EFEMP1: variants seen among roughly 807,000 people sequenced by gnomAD.
EFEMP1 encodes EGF-containing fibulin-like extracellular matrix protein 1.
A neutral mutation model predicts 65.7 loss-of-function variants in EFEMP1; 18 were observed. That is an observed-to-expected ratio of 0.27 (90% CI 0.19 to 0.41). The LOEUF is 0.41. Ranked by LOEUF, EFEMP1 falls within the 10% of genes least tolerant of loss-of-function variation. The pLI is 1.00. For missense variants in EFEMP1, 469 were observed against 624.8 expected (o/e 0.75, Z 2.66); for synonymous variants, 237 against 219.7 (o/e 1.08, Z -0.70).
At chr2:55,910,748 T>G (rs1670452011) in intron 5 of EFEMP1, among the ~76,000 whole-genome samples, 1 of 152,236 alleles carries the variant, frequency 6.6e-6, no homozygotes, top group South Asian at 2.1e-4. Context: ...TTATAAAGTT[T>G]AAATTGAAAG....
intron 5 of EFEMP1, among the ~76,000 whole-genome samples, chr2:55,902,573 C>A (rs972887212): frequency 2.0e-5 from 3 of 152,186 alleles, no homozygotes; most frequent in Non-Finnish European, 2.9e-5. Context: ...AACCACAATA[C>A]CGTAATTACC....
chr2:55,884,507 T>C (rs1238740125), intron 5 of EFEMP1, among the ~76,000 whole-genome samples: 1 of 152,210 alleles, frequency 6.6e-6, no homozygotes, highest in Non-Finnish European at 1.5e-5. Flanking sequence ...CCCAGGAGTG[T>C]TGATGACAGT....
At chr2:55,874,522 C>T (rs897627271) in intron 9 of EFEMP1, among the ~76,000 whole-genome samples, 2 of 152,118 alleles carry the variant, frequency 1.3e-5, no homozygotes, top group African/African-American at 4.8e-5. Context: ...TTCTCAGCAC[C>T]TACATTCTTA....
chr2:55,875,142 A>ATATCC, intron 8 of EFEMP1, 77 bp from the exon 9 acceptor site: 1 of 524,786 alleles, frequency 1.9e-6, no homozygotes, highest in Non-Finnish European at 2.7e-6. Context: ...ATATATATAT[A>ATATCC]AATTATATAT....
rs550832970 is a variant in EFEMP1 at position 55,923,637 on chromosome 2, C to A, written c.-49+74G>T. The A allele has an allele frequency of 3.3e-4, 327 of 985,728 alleles. No individual in the cohort carries two copies. The African/African-American group carries it at 5.4e-3, about 16-fold the overall frequency. 61.1% of individuals were successfully genotyped at this position (985,728 alleles called of 1,614,324 possible). On this transcript the variant is annotated intron_variant, in intron 1 of 11. Coordinates refer to ENST00000355426, the MANE Select transcript of EFEMP1 (RefSeq NM_001039348.3). This position sits in a 1 kb window ranked among gnomAD's most constrained non-coding sequence, Gnocchi z 5.3. The stretch of plus-strand genomic sequence containing the variant: ...GGTACTCAACACCCCTCAGCTCACC[C>A]CACCTCACTCTCCCGCGCGCGGCCC...
At chr2:55,907,307 G>T (rs1670319127) in intron 5 of EFEMP1, among the ~76,000 whole-genome samples, 1 of 152,240 alleles carries the variant, frequency 6.6e-6, no homozygotes, top group African/African-American at 2.4e-5. Context: ...GTGTGCACAT[G>T]TGTGGGCATA....
intron 5 of EFEMP1, among the ~76,000 whole-genome samples, chr2:55,907,465 T>C (rs1308667782): frequency 1.3e-5 from 2 of 152,236 alleles, no homozygotes; most frequent in Non-Finnish European, 2.9e-5. Context: ...ATTGTAAAAA[T>C]ACGATTCTGA....
At chr2:55,869,762 A>G (rs1668727963) in intron 11 of EFEMP1, among the ~76,000 whole-genome samples, 1 of 152,192 alleles carries the variant, frequency 6.6e-6, no homozygotes, top group African/African-American at 2.4e-5. Flanking sequence ...GATGAATAAC[A>G]TCATTAGCAT....
chr2:55,901,073 A>C (rs1448806541), intron 5 of EFEMP1, among the ~76,000 whole-genome samples: 2 of 152,240 alleles, frequency 1.3e-5, no homozygotes, highest in Admixed American at 6.5e-5. Context: ...TTAAACATAA[A>C]GGTGATGATT....
At chr2:55,912,647 T>G (rs1013822159) in intron 5 of EFEMP1, among the ~76,000 whole-genome samples, 4 of 152,234 alleles carry the variant, frequency 2.6e-5, no homozygotes, top group Admixed American at 2.0e-4. Context: ...TTGAACCCTA[T>G]GTACACTGTA....
intron 5 of EFEMP1, among the ~76,000 whole-genome samples, chr2:55,914,313 G>GA (rs1670593693): frequency 6.6e-6 from 1 of 152,036 alleles, no homozygotes; most frequent in Admixed American, 6.6e-5. Flanking sequence ...AAAATTACCT[G>GA]AAAAAAACCT....
chr2:55,906,836 A>G (rs1217607743), intron 5 of EFEMP1, among the ~76,000 whole-genome samples: 1 of 152,198 alleles, frequency 6.6e-6, no homozygotes, highest in African/African-American at 2.4e-5. Flanking sequence ...CAAAAATGTC[A>G]ATTTTGCCAA....
intron 5 of EFEMP1, among the ~76,000 whole-genome samples, chr2:55,904,789 G>A (rs1438495777): frequency 1.3e-5 from 2 of 152,086 alleles, no homozygotes; most frequent in Non-Finnish European, 2.9e-5. Context: ...GTAGACAGCA[G>A]ATGATGAGAC....
At chr2:55,895,392 T>C (rs1371100455) in intron 5 of EFEMP1, among the ~76,000 whole-genome samples, 1 of 152,190 alleles carries the variant, frequency 6.6e-6, no homozygotes, top group African/African-American at 2.4e-5. Context: ...TGCAACACAT[T>C]CTTGCCACTT....
chr2:55,912,103 G>T (rs545682985), intron 5 of EFEMP1, among the ~76,000 whole-genome samples: 1 of 152,054 alleles, frequency 6.6e-6, no homozygotes, highest in East Asian at 1.9e-4. Flanking sequence ...AAACAATGAA[G>T]AACTGTAAGG....
Position 55,922,535 on chromosome 2 carries a change from G to A in EFEMP1, c.-7-88C>T, listed in dbSNP as rs1572856906. On this transcript the variant is annotated intron_variant, in intron 2 of 11. Transcript: ENST00000355426. The surrounding 1 kb of genome is among the most constrained non-coding windows in gnomAD (Gnocchi z 5.5). Reference sequence around the variant, plus strand: ...TAGCAGTGAGCACAAGCGAGGAAAGGAGGGTGGGAGAGGCTGAGGCTCCAC... The same window carrying A: ...TAGCAGTGAGCACAAGCGAGGAAAGAAGGGTGGGAGAGGCTGAGGCTCCAC... 9.3e-6 allele frequency: 11 copies of A among 1,179,284 alleles called. No homozygotes were observed. In the East Asian group the frequency reaches 2.2e-4, roughly 23 times the overall value. 73.1% of individuals were successfully genotyped at this position (1,179,284 alleles called of 1,614,324 possible).
At chr2:55,879,952 A>G (rs1301044654) in intron 6 of EFEMP1, among the ~76,000 whole-genome samples, 1 of 152,232 alleles carries the variant, frequency 6.6e-6, no homozygotes, top group Admixed American at 6.5e-5. Context: ...ATATTTGGGT[A>G]AATCATAGCA....
In EFEMP1 at chr2:55,877,894, A is replaced by G. The variant is rs761759354; in HGVS notation, c.641-29T>C. 1.2e-6 allele frequency: 2 copies of G among 1,611,450 alleles called. No individual in the cohort carries two copies. The highest frequency in any genetic ancestry group is 8.5e-7 in the Non-Finnish European group (1 of 1,178,014). On this transcript the variant is annotated intron_variant, in intron 6 of 11. Transcript: ENST00000355426. The surrounding 1 kb of genome is among the most constrained non-coding windows in gnomAD (Gnocchi z 4.5). The stretch of plus-strand genomic sequence containing the variant: ...GGTTATCAGGCACACACACAAAGAG[A>G]ACCAAATTATTGAATTAGCATTCTC...
intron 5 of EFEMP1, among the ~76,000 whole-genome samples, chr2:55,905,668 G>A (rs960425931): frequency 8.6e-5 from 13 of 152,038 alleles, no homozygotes; most frequent in Middle Eastern, 3.2e-3. Flanking sequence ...AGGCTGGTCT[G>A]GAACTCCCGA....
Sources: gnomAD v4.1 joint callset for allele counts (sites outside exome capture counted in the v4.1 genomes callset) on GRCh38, gnomAD v4.1.1 for gene constraint, Gnocchi (gnomAD v3.1) non-coding constraint, MANE v1.5 for transcripts, NCBI Gene and HGNC (gene_info 2026-07-23, HGNC 2026-07-21) for gene names.